FAM153A: variants seen among roughly 807,000 people sequenced by gnomAD.
FAM153A encodes family with sequence similarity 153 member A, also known as protein FAM153A.
FAM153A carries 12 observed loss-of-function variants against 48.1 expected under a neutral mutation model. The ratio of observed to expected loss-of-function variants is 0.25; its 90% confidence interval spans 0.16 to 0.40. FAM153A has a LOEUF of 0.40. Ranked by LOEUF, FAM153A falls within the 10% of genes least tolerant of loss-of-function variation. The probability of loss-of-function intolerance (pLI) is 1.00; values close to 1 mark genes in which losing one functional copy is unlikely to be tolerated. For synonymous variants in FAM153A, 36 were observed against 118.2 expected (o/e 0.30, Z 4.51); for missense variants, 111 against 345.8 (o/e 0.32, Z 5.38).
At chr5:177,756,594 C>G (rs1767762301), upstream of FAM153A, among the ~76,000 whole-genome samples, 4 of 151,332 alleles carry the variant, frequency 2.6e-5, no homozygotes, top group Non-Finnish European at 4.4e-5. Context: ...AAGTAAAGCA[C>G]TCCTCAGCAA....
At chr5:177,700,085 T>A in the FAM153A span, among the ~76,000 whole-genome samples, 49 of 151,952 alleles carry the variant, frequency 3.2e-4, 1 homozygote, top group African/African-American at 1.2e-3. Flanking sequence ...ACCATATTAA[T>A]AGAATAAAGC....
chr5:177,712,177 TAA>T (rs1561854176), exon 27 of FAM153A: 2 of 151,508 alleles, frequency 1.3e-5, no homozygotes, highest in African/African-American at 2.4e-5. Flanking sequence ...AATCAGCAAA[TAA>T]AAAGATTCTC....
chr5:177,702,570 G>C, the FAM153A span, among the ~76,000 whole-genome samples: 1 of 151,844 alleles, frequency 6.6e-6, no homozygotes, highest in Non-Finnish European at 1.5e-5. Context: ...AGACAATGGG[G>C]GAAAAGCATA....
chr5:177,705,699 A>T (rs573576428), downstream of FAM153A, among the ~76,000 whole-genome samples: 562 of 121,618 alleles, frequency 4.6e-3, 2 homozygotes, highest in Non-Finnish European at 7.9e-3. Context: ...CTTGCTTGTC[A>T]CCCAGGCTGG....
chr5:177,769,696 G>C (rs1768998684), intron 1 of FAM153A, among the ~76,000 whole-genome samples: 1 of 95,164 alleles, frequency 1.1e-5, no homozygotes. Context: ...GAAGGTGCTG[G>C]GTGGTTTCCT....
exon 27 of FAM153A, chr5:177,711,293 A>G (rs1424569205): frequency 2.0e-5 from 3 of 151,874 alleles, no homozygotes; most frequent in African/African-American, 4.9e-5. Context: ...TAACCACCAC[A>G]ACAATAAGAA....
At chr5:177,713,257 C>CTTTTTTTTT in intron 26 of FAM153A, 1 of 138,852 alleles carries the variant, frequency 7.2e-6, no homozygotes. Flanking sequence ...TCTTTCTTTT[C>CTTTTTTTTT]TTTTTTTTTT....
downstream of FAM153A, among the ~76,000 whole-genome samples, chr5:177,719,094 G>C (rs576350962): frequency 1.3e-4 from 20 of 150,914 alleles, no homozygotes; most frequent in Non-Finnish European, 2.8e-4. Flanking sequence ...ATGTTGTCCA[G>C]GCTGGTCTTA....
downstream of FAM153A, among the ~76,000 whole-genome samples, chr5:177,710,057 T>C (rs572861469): frequency 2.6e-3 from 382 of 149,266 alleles, 5 homozygotes; most frequent in Non-Finnish European, 3.2e-3. Flanking sequence ...CTGTGCAAAA[T>C]GATTTTTAAA....
At chr5:177,709,064 CAGCCTGGTGAG>C (rs1561847883), downstream of FAM153A, among the ~76,000 whole-genome samples, 3 of 127,382 alleles carry the variant, frequency 2.4e-5, no homozygotes, top group East Asian at 6.9e-4. Flanking sequence ...CACTGCACCC[CAGCCTGGTGAG>C]AGAGTGAGAC....
exon 27 of FAM153A, chr5:177,712,662 G>A (rs1194943391): frequency 3.3e-5 from 5 of 151,518 alleles, no homozygotes; most frequent in African/African-American, 1.2e-4. Flanking sequence ...TCTCTATGCA[G>A]CTATCAGTAC....
upstream of FAM153A, among the ~76,000 whole-genome samples, chr5:177,754,605 C>T (rs1206994296): frequency 6.6e-6 from 1 of 151,838 alleles, no homozygotes; most frequent in Non-Finnish European, 1.5e-5. Flanking sequence ...CAGACTGACA[C>T]CTCACATGGC....
the FAM153A span, among the ~76,000 whole-genome samples, chr5:177,702,200 G>T: frequency 6.6e-6 from 1 of 151,938 alleles, no homozygotes; most frequent in East Asian, 1.9e-4. Context: ...GAGCCACCGC[G>T]CCTGGCCAAA....
At chr5:177,755,206 G>A (rs767777636), upstream of FAM153A, among the ~76,000 whole-genome samples, 27 of 152,006 alleles carry the variant, frequency 1.8e-4, 1 homozygote, top group African/African-American at 3.6e-4. Flanking sequence ...CTCAGTAGTC[G>A]ATTCGATCAA....
At chr5:177,698,961 T>C in the FAM153A span, among the ~76,000 whole-genome samples, 3 of 151,766 alleles carry the variant, frequency 2.0e-5, no homozygotes, top group Non-Finnish European at 4.4e-5. Context: ...GCTGCCACTT[T>C]TTAAAATTTA....
rs1768735719 is a variant in FAM153A, at chr5:177,766,117, A to G, written c.-57+14332T>C. 1.9e-5 allele frequency among the ~76,000 whole-genome samples: 2 copies of G among 106,960 alleles called. 1 individual carries two copies. Among genetic ancestry groups the G allele is most frequent in the Non-Finnish European group, 4.1e-5 (2 of 48,280 alleles). The allele number at this position is 106,960 out of a possible 152,430, so 70.2% of individuals were successfully genotyped here. ...GGGCAGCAGAGAGAGACTGTCTCAAAAAAACAAAATAAAACAAAAAACAAA... is the reference window on the plus strand; with the variant it reads ...GGGCAGCAGAGAGAGACTGTCTCAAGAAAACAAAATAAAACAAAAAACAAA... On this transcript the variant is annotated intron_variant, in intron 1 of 8. Transcript: ENST00000393518.
rs1236734510 is a variant in FAM153A at position 177,731,479 on chromosome 5, TG to T, written c.862+89del. 2 of 381,302 alleles carry T rather than the reference TG, an allele frequency of 5.2e-6. 1 individual carries two copies. The highest frequency in any genetic ancestry group is 9.1e-6 in the Non-Finnish European group (2 of 219,282). 23.6% of individuals were successfully genotyped at this position (381,302 alleles called of 1,614,324 possible). ...TTCTGGCAGAAAGCTCAAACCAGAGTGGCCCTTGAGCAAAAGCAGGTGAAGC... is the reference window on the plus strand; with the variant it reads ...TTCTGGCAGAAAGCTCAAACCAGAGTGCCCTTGAGCAAAAGCAGGTGAAGC... On this transcript the variant is annotated intron_variant, in intron 16 of 20. Transcript: ENST00000614127.
intron 18 of FAM153A, among the ~76,000 whole-genome samples, chr5:177,725,732 G>T (rs1439190149): frequency 6.6e-6 from 1 of 151,720 alleles, no homozygotes; most frequent in Non-Finnish European, 1.5e-5. Context: ...TGTGCCAGCT[G>T]CCCAGAGGCT....
the FAM153A span, among the ~76,000 whole-genome samples, chr5:177,697,760 CCTT>C: frequency 6.6e-6 from 1 of 151,766 alleles, no homozygotes; most frequent in African/African-American, 2.4e-5. Flanking sequence ...ATAGAATGTA[CCTT>C]CTTTTGACAA....
Sources: allele counts gnomAD v4.1 joint callset (sites outside exome capture counted in the v4.1 genomes callset), GRCh38; gene constraint gnomAD v4.1.1; transcripts MANE v1.5; gene names NCBI Gene and HGNC (gene_info 2026-07-23, HGNC 2026-07-21).